The following STX8 variants were observed in gnomAD, a reference collection of about 807,000 sequenced individuals.
The protein encoded by STX8 is syntaxin-8.
A neutral mutation model predicts 37.5 loss-of-function variants in STX8; 23 were observed. The observed-to-expected ratio is 0.61, with a 90% CI of 0.44 to 0.87. The LOEUF is 0.87. Ranked by LOEUF, STX8 falls within the 40% of genes least tolerant of loss-of-function variation. The pLI is 0.00. For missense variants in STX8, 313 were observed against 284.7 expected (o/e 1.10, Z -0.71); for synonymous variants, 115 against 99.1 (o/e 1.16, Z -0.95).
chr17:9,535,622 C>T (rs1354183208), intron 4 of STX8, among the ~76,000 whole-genome samples: 6 of 151,676 alleles, frequency 4.0e-5, no homozygotes, highest in African/African-American at 1.4e-4. Flanking sequence ...TTAGTAGAGA[C>T]GGGGTTTCAC....
At chr17:9,343,884 A>C (rs1023360904) in intron 7 of STX8, among the ~76,000 whole-genome samples, 6 of 152,198 alleles carry the variant, frequency 3.9e-5, no homozygotes, top group Non-Finnish European at 7.3e-5. Context: ...GATGTTAAAA[A>C]ATAAAAGCCC....
chr17:9,343,847 G>A (rs1030864940), intron 7 of STX8, among the ~76,000 whole-genome samples: 2 of 152,092 alleles, frequency 1.3e-5, no homozygotes, highest in Admixed American at 1.3e-4. Flanking sequence ...GTTCTTTGAT[G>A]AGAAATATTA....
chr17:9,256,468 G>A (rs1020358529), intron 7 of STX8, among the ~76,000 whole-genome samples: 25 of 152,114 alleles, frequency 1.6e-4, no homozygotes, highest in African/African-American at 5.8e-4. Context: ...CGAAGGGCAC[G>A]CAGAACAGTG....
At chr17:9,359,135 C>G (rs1029837529) in intron 7 of STX8, among the ~76,000 whole-genome samples, 1 of 151,780 alleles carries the variant, frequency 6.6e-6, no homozygotes, top group African/African-American at 2.4e-5. Context: ...CTCCATCTCC[C>G]GGGTTCAAGA....
intron 7 of STX8, among the ~76,000 whole-genome samples, chr17:9,255,157 T>C (rs577152156): frequency 3.3e-5 from 5 of 152,114 alleles, no homozygotes; most frequent in Non-Finnish European, 7.4e-5. Context: ...AAGCTGCTAA[T>C]TTTTCTACCA....
In STX8 at chr17:9,432,548, A is replaced by G. The variant is rs114439054; in HGVS notation, c.542-53895T>C. Among the ~76,000 whole-genome samples the G allele has an allele frequency of 2.7e-3, 407 of 152,334 alleles. 1 individual carries two copies. Among genetic ancestry groups the G allele is most frequent in the African/African-American group, 9.5e-3 (394 of 41,582 alleles). On this transcript the variant is annotated intron_variant, in intron 6 of 7. Transcript: ENST00000306357. ...CACACATAGGCCACACTAAAGTATT[A>G]GCCACTAAAATAAAAGATGAGGAAG...
At chr17:9,355,137 G>A (rs1389321612) in intron 7 of STX8, among the ~76,000 whole-genome samples, 2 of 152,018 alleles carry the variant, frequency 1.3e-5, no homozygotes, top group African/African-American at 4.8e-5. Context: ...CATTTCTTAA[G>A]CTGGATATTG....
chr17:9,471,552 G>C (rs1289245303), intron 6 of STX8, among the ~76,000 whole-genome samples: 1 of 152,170 alleles, frequency 6.6e-6, no homozygotes, highest in East Asian at 1.9e-4. Context: ...TAACTGGTAA[G>C]AGTGGCAATC....
intron 7 of STX8, among the ~76,000 whole-genome samples, chr17:9,356,960 G>GTTTTTTTTTTTTTTTTTTTTTTTT (rs140965935): frequency 1.6e-5 from 1 of 61,752 alleles, no homozygotes; most frequent in African/African-American, 6.2e-5. Context: ...CCTTTTAACA[G>GTTTTTTTTTTTTTTTTTTTTTTTT]TTTTTTTTTT....
At chr17:9,423,709 A>G (rs1446914177) in intron 6 of STX8, among the ~76,000 whole-genome samples, 1 of 152,204 alleles carries the variant, frequency 6.6e-6, no homozygotes, top group African/African-American at 2.4e-5. Context: ...TGAGCTTTCA[A>G]TTACTTTATT....
chr17:9,460,673 C>CAAAAAAAAAAAA (rs751553222), intron 6 of STX8, among the ~76,000 whole-genome samples: 1 of 96,688 alleles, frequency 1.0e-5, no homozygotes, highest in Non-Finnish European at 2.0e-5. Flanking sequence ...GACTCTGTCT[C>CAAAAAAAAAAAA]AAAAAAAAAA....
intron 7 of STX8, among the ~76,000 whole-genome samples, chr17:9,256,654 T>TC (rs1349733021): frequency 6.6e-6 from 1 of 151,878 alleles, no homozygotes; most frequent in Admixed American, 6.6e-5. Flanking sequence ...ACACACACAC[T>TC]CCCCCACTAC....
intron 7 of STX8, among the ~76,000 whole-genome samples, chr17:9,317,001 C>A (rs1057379046): frequency 2.6e-5 from 4 of 152,052 alleles, no homozygotes; most frequent in Non-Finnish European, 5.9e-5. Flanking sequence ...ACAGTCGGTT[C>A]TTTTTTCCTA....
rs1159388418 is a variant in STX8, at chr17:9,559,758, A to ATTTTTT, written c.118-2231_118-2230insAAAAAA. Among the ~76,000 whole-genome samples the ATTTTTT allele has an allele frequency of 4.9e-3, 139 of 28,346 alleles. 2 individuals carry two copies. The highest frequency in any genetic ancestry group is 0.016 in the African/African-American group (119 of 7,388). 18.6% of individuals were successfully genotyped at this position (28,346 alleles called of 152,430 possible). ...TTTATATATATATATATATATATAT[A>ATTTTTT]TATTTTTTTTTTTTTTTTTTTTGAG... On this transcript the variant is annotated intron_variant, in intron 2 of 7. Coordinates refer to ENST00000306357, the MANE Select transcript of STX8 (RefSeq NM_004853.3).
chr17:9,362,187 C>T (rs535409449), intron 7 of STX8, among the ~76,000 whole-genome samples: 14 of 151,872 alleles, frequency 9.2e-5, no homozygotes, highest in South Asian at 6.3e-4. Context: ...AAAAATTAGC[C>T]GGGGTGTTGG....
At chr17:9,489,553 G>T (rs1053675589) in intron 6 of STX8, among the ~76,000 whole-genome samples, 4 of 152,140 alleles carry the variant, frequency 2.6e-5, no homozygotes, top group African/African-American at 9.7e-5. Flanking sequence ...CAGCTTACCT[G>T]CACGTATATC....
intron 5 of STX8, among the ~76,000 whole-genome samples, chr17:9,502,843 C>CA (rs1904669534): frequency 6.6e-6 from 1 of 152,096 alleles, no homozygotes; most frequent in Non-Finnish European, 1.5e-5. Flanking sequence ...TGGCTCATGC[C>CA]TGTAATCCCA....
chr17:9,251,379 C>T (rs145788352), intron 7 of STX8, among the ~76,000 whole-genome samples: 9 of 152,326 alleles, frequency 5.9e-5, no homozygotes, highest in Non-Finnish European at 8.8e-5. Context: ...TCACTGTCTC[C>T]CATGTTCGCT....
At chr17:9,379,320 C>T (rs1911713033) in intron 6 of STX8, among the ~76,000 whole-genome samples, 1 of 149,704 alleles carries the variant, frequency 6.7e-6, no homozygotes, top group South Asian at 2.1e-4. Flanking sequence ...GAGAAAACTA[C>T]ATGATGAAGA....
Sources: allele counts gnomAD v4.1 joint callset (sites outside exome capture counted in the v4.1 genomes callset), GRCh38; gene constraint gnomAD v4.1.1; transcripts MANE v1.5; gene names NCBI Gene and HGNC (gene_info 2026-07-23, HGNC 2026-07-21).